Variants in XIRP2 observed in about 807,000 individuals in gnomAD.
XIRP2 encodes the protein xin actin binding repeat containing 2.
Under a neutral mutation model 277.0 loss-of-function variants are expected in XIRP2, and 236 were observed. That is an observed-to-expected ratio of 0.85 (90% confidence interval 0.77 to 0.95). XIRP2 has a LOEUF of 0.95. Ranked by LOEUF, XIRP2 falls within the 40% of genes least tolerant of loss-of-function variation. The pLI, the probability that XIRP2 is intolerant of heterozygous loss-of-function variation, is 0.00. For synonymous variants in XIRP2, 1,490 were observed against 1,416.5 expected, an observed-to-expected ratio of 1.05 and a Z score of -1.17; for missense variants, 4,640 against 4,157.5, an observed-to-expected ratio of 1.12 and a Z score of -3.19.
chr2:166,917,523 A>G (rs1261332417), intron 2 of XIRP2, among the ~76,000 whole-genome samples: 1 of 152,118 alleles, frequency 6.6e-6, no homozygotes, highest in Non-Finnish European at 1.5e-5. Context: ...CAAAACTCCC[A>G]ACTAAACATA....
At chr2:167,204,728 T>G (rs947413515) in intron 3 of XIRP2, among the ~76,000 whole-genome samples, 6 of 152,220 alleles carry the variant, frequency 3.9e-5, no homozygotes, top group Non-Finnish European at 5.9e-5. Flanking sequence ...CATTTTTTTC[T>G]GGCCCATCAG....
Position 167,139,957 on chromosome 2 carries a change from A to G in XIRP2, c.562+3895A>G, listed in dbSNP as rs775941550. On this transcript the variant is annotated intron_variant, in intron 3 of 10. Coordinates refer to ENST00000409195, the MANE Select transcript of XIRP2 (RefSeq NM_152381.6). ...GTCCAATGAGCTGTCTACCGTTTTC[A>G]TAAGAGTTGATCCAGATGCTAATTA... is the stretch of plus-strand genomic sequence containing the variant. Among the ~76,000 whole-genome samples, 30 of 152,218 alleles carry G rather than the reference A, an allele frequency of 2.0e-4. 1 individual carries two copies. The highest frequency in any genetic ancestry group is 3.7e-4 in the Non-Finnish European group (25 of 68,036).
At chr2:167,012,525 A>C (rs971634741) in intron 2 of XIRP2, among the ~76,000 whole-genome samples, 10 of 151,798 alleles carry the variant, frequency 6.6e-5, no homozygotes, top group African/African-American at 2.4e-4. Context: ...ACATTACACT[A>C]TGTGGTACAC....
In XIRP2 at chr2:167,243,751, A is replaced by G. The variant is rs1391606991; in HGVS notation, c.2359A>G (p.Thr787Ala). 1 of 1,614,070 alleles carries G rather than the reference A, an allele frequency of 6.2e-7. No homozygotes were observed. The highest frequency in any genetic ancestry group is 1.1e-5 in the South Asian group (1 of 91,078). Residue 787 changes from threonine (T) to alanine (A), a missense_variant, in exon 9 of 11, where the codon ACA (threonine) becomes GCA (alanine). Coordinates refer to ENST00000409195, the MANE Select transcript of XIRP2 (RefSeq NM_152381.6). Reference sequence around the variant, plus strand: ...GTTGGACACAATTAACAAAGATATCACAGAAATTAAAGTTGTCCGAGGAAT... The same window carrying G: ...GTTGGACACAATTAACAAAGATATCGCAGAAATTAAAGTTGTCCGAGGAAT... ...QPLDTINKDI[T>A]EIKVVRGISM...
chr2:167,184,408 C>T, intron 3 of XIRP2: 1 of 621,680 alleles, frequency 1.6e-6, no homozygotes. Context: ...TTGTATCCTG[C>T]TATCCTGTGA....
At chr2:167,126,606 GAGCT>G (rs1691214261) in intron 2 of XIRP2, among the ~76,000 whole-genome samples, 1 of 152,150 alleles carries the variant, frequency 6.6e-6, no homozygotes, top group Admixed American at 6.6e-5. Flanking sequence ...TTAAATGGAA[GAGCT>G]CCACATTAAA....
At chr2:167,059,606 T>C (rs1188875538) in intron 2 of XIRP2, among the ~76,000 whole-genome samples, 1 of 151,922 alleles carries the variant, frequency 6.6e-6, no homozygotes, top group Non-Finnish European at 1.5e-5. Flanking sequence ...TACGGGGAAA[T>C]TGTCAGAGAA....
chr2:167,210,030 G>T (rs1373392046), intron 3 of XIRP2, among the ~76,000 whole-genome samples: 3 of 152,018 alleles, frequency 2.0e-5, no homozygotes, highest in Non-Finnish European at 4.4e-5. Flanking sequence ...CAAGTAGATG[G>T]CTTCATGGGT....
At chr2:166,924,703 C>T (rs1344248979) in intron 2 of XIRP2, among the ~76,000 whole-genome samples, 1 of 151,912 alleles carries the variant, frequency 6.6e-6, no homozygotes, top group Non-Finnish European at 1.5e-5. Flanking sequence ...CAGAACATAC[C>T]TTTTCCTCCA....
chr2:167,186,482 C>T (rs1273910183), intron 3 of XIRP2, among the ~76,000 whole-genome samples: 1 of 152,086 alleles, frequency 6.6e-6, no homozygotes, highest in Non-Finnish European at 1.5e-5. Context: ...CGTTAGGCCA[C>T]ACCACATTAG....
Position 167,246,657 on chromosome 2 carries a change from G to C in XIRP2, c.5265G>C (p.Leu1755Phe), listed in dbSNP as rs776633208. The change falls in exon 9 of 11, where the codon TTG becomes TTC. Residue 1755 changes from leucine to phenylalanine, a missense_variant. Leu to Phe is a conservative substitution (Grantham distance 22). Transcript: ENST00000409195. ...CAACCTGCATAGAAGCTGGAGCTTTGGATTATCTGAAACAACTCCACACAG... is the reference window on the plus strand; with the variant it reads ...CAACCTGCATAGAAGCTGGAGCTTTCGATTATCTGAAACAACTCCACACAG... ...FFTTCIEAGA[L>F]DYLKQLHTES... 1.9e-6 allele frequency: 3 copies of C among 1,613,642 alleles called. No individual in the cohort carries two copies. In the East Asian group the frequency reaches 6.7e-5, roughly 36 times the overall value.
rs889627410 is a variant in XIRP2 at position 167,150,133 on chromosome 2, C to T, written c.562+14071C>T. Among the ~76,000 whole-genome samples the T allele has an allele frequency of 2.0e-5, 3 of 150,652 alleles. No homozygotes were observed. In the East Asian group the frequency reaches 5.8e-4, roughly 29 times the overall value. On this transcript the variant is annotated intron_variant, in intron 3 of 10. Transcript: ENST00000409195. Reference sequence around the variant, plus strand: ...TGACATAAAGAAATAAATAATAAGACAAAATTGTTCATTCCTTAAAAAAAA... The same window carrying T: ...TGACATAAAGAAATAAATAATAAGATAAAATTGTTCATTCCTTAAAAAAAA...
At chr2:166,904,004 G>A (rs1461222206) in intron 2 of XIRP2, 114 bp downstream of exon 2, 1 of 1,243,294 alleles carries the variant, frequency 8.0e-7, no homozygotes, top group Non-Finnish European at 1.1e-6. Context: ...CAGATGTCCT[G>A]AAGCCGATGT....
intron 1 of XIRP2, among the ~76,000 whole-genome samples, chr2:166,902,390 G>C (rs951848398): frequency 3.9e-5 from 6 of 152,076 alleles, no homozygotes; most frequent in Non-Finnish European, 7.4e-5. Flanking sequence ...GGTAGTCAAA[G>C]AAATTTGGAG....
chr2:166,980,539 C>T (rs1039460728), intron 2 of XIRP2, among the ~76,000 whole-genome samples: 1 of 152,250 alleles, frequency 6.6e-6, no homozygotes, highest in African/African-American at 2.4e-5. Context: ...GCTTCAGCCT[C>T]CCGAGTAGCT....
chr2:167,065,519 T>C (rs1336615834), intron 2 of XIRP2, among the ~76,000 whole-genome samples: 1 of 151,888 alleles, frequency 6.6e-6, no homozygotes, highest in African/African-American at 2.4e-5. Context: ...TTTATTCCAG[T>C]GTAGTCAAAC....
chr2:167,114,992 T>C (rs1690858384), intron 2 of XIRP2, among the ~76,000 whole-genome samples: 1 of 152,178 alleles, frequency 6.6e-6, no homozygotes, highest in South Asian at 2.1e-4. Flanking sequence ...ATGGTATTTC[T>C]AGTTCTAGAT....
chr2:167,203,369 C>T (rs551473686), intron 3 of XIRP2, among the ~76,000 whole-genome samples: 1 of 152,248 alleles, frequency 6.6e-6, no homozygotes, highest in Non-Finnish European at 1.5e-5. Flanking sequence ...CATGAGAGAT[C>T]TTCTTTTGTT....
intron 2 of XIRP2, among the ~76,000 whole-genome samples, chr2:167,092,239 C>T (rs560399165): frequency 2.0e-5 from 3 of 152,192 alleles, no homozygotes; most frequent in South Asian, 4.1e-4. Context: ...AAATACTTTG[C>T]CTTAGAGTAC....
Sources: gnomAD v4.1 joint callset for allele counts (sites outside exome capture counted in the v4.1 genomes callset) on GRCh38, gnomAD v4.1.1 for gene constraint, MANE v1.5 for transcripts, NCBI Gene and HGNC (gene_info 2026-07-23, HGNC 2026-07-21) for gene names.